RFTN1: variants seen among roughly 807,000 people sequenced by gnomAD.
The protein encoded by RFTN1 is raftlin.
In RFTN1, 26 loss-of-function variants were observed where a neutral mutation model predicts 46.5. The observed-to-expected ratio is 0.56, with a 90% CI of 0.41 to 0.78. RFTN1 has a LOEUF of 0.78. Ranked by LOEUF, RFTN1 falls within the 30% of genes least tolerant of loss-of-function variation. RFTN1 has a pLI of 0.00. For synonymous variants in RFTN1, 261 were observed against 284.2 expected, an observed-to-expected ratio of 0.92 and a Z score of 0.82; for missense variants, 693 against 718.7, an observed-to-expected ratio of 0.96 and a Z score of 0.41.
rs1053034500 is a variant in RFTN1, at chr3:16,425,921, T to G, written c.332+7930A>C. Among the ~76,000 whole-genome samples the G allele has an allele frequency of 6.6e-6, 1 of 152,028 alleles. No individual in the cohort carries two copies. The highest frequency in any genetic ancestry group is 6.5e-5 in the Admixed American group (1 of 15,268). On this transcript the variant is annotated intron_variant, in intron 3 of 9. Transcript: ENST00000334133. The surrounding 1 kb of genome is among the most constrained non-coding windows in gnomAD (Gnocchi z 4.3). The stretch of plus-strand genomic sequence containing the variant: ...CCCTCAGGAAGCTAGAGAAAACTGA[T>G]GAGGAAAGATACCACACCAGAAACG...
chr3:16,412,928 G>A (rs1043000152), intron 3 of RFTN1, among the ~76,000 whole-genome samples: 1 of 152,174 alleles, frequency 6.6e-6, no homozygotes, highest in African/African-American at 2.4e-5. Flanking sequence ...TGGAAGTGGG[G>A]CTTTCCTCAG....
intron 4 of RFTN1, among the ~76,000 whole-genome samples, chr3:16,394,991 C>T (rs1231596196): frequency 1.3e-5 from 2 of 151,828 alleles, no homozygotes; most frequent in African/African-American, 4.8e-5. Context: ...ATAAAGGCAA[C>T]CAAGTGCAAT....
At chr3:16,367,379 A>G (rs2073252376) in intron 6 of RFTN1, among the ~76,000 whole-genome samples, 1 of 152,204 alleles carries the variant, frequency 6.6e-6, no homozygotes, top group African/African-American at 2.4e-5. Flanking sequence ...GCCCTAACCC[A>G]GGAAGCATTA....
At chr3:16,441,278 A>ATAAACCATTAT (rs1179202086) in intron 2 of RFTN1, among the ~76,000 whole-genome samples, 6 of 151,062 alleles carry the variant, frequency 4.0e-5, no homozygotes, top group Non-Finnish European at 8.9e-5. Context: ...ATATAAATAA[A>ATAAACCATTAT]TAAACCATTA....
rs200435969 is a variant in RFTN1, at chr3:16,470,230, GCA to G, written c.145+23493_145+23494del. 1.1e-3 allele frequency among the ~76,000 whole-genome samples: 163 copies of G among 148,634 alleles called. 2 individuals are homozygous for G. The highest frequency in any genetic ancestry group is 7.7e-3 in the South Asian group (36 of 4,676). On this transcript the variant is annotated intron_variant, in intron 2 of 9. Coordinates refer to ENST00000334133, the MANE Select transcript of RFTN1 (RefSeq NM_015150.2). Reference sequence around the variant, plus strand: ...TAACAACTATAAACTCTGCACACACGCACACACACACACACACACATACAGAC... The same window carrying G: ...TAACAACTATAAACTCTGCACACACGCACACACACACACACACATACAGAC...
At position 16,361,024 on chromosome 3, in the gene RFTN1, G is replaced by T. The variant is rs1027522488; in HGVS notation, c.1031-2977C>A. Among the ~76,000 whole-genome samples, 1 of 152,166 alleles carries T rather than the reference G, an allele frequency of 6.6e-6. No individual in the cohort carries two copies. Among genetic ancestry groups the T allele is most frequent in the Non-Finnish European group, 1.5e-5 (1 of 68,032 alleles). On this transcript the variant is annotated intron_variant, in intron 6 of 9. Transcript: ENST00000334133. This position sits in a 1 kb window ranked among gnomAD's most constrained non-coding sequence, Gnocchi z 4.3. The stretch of plus-strand genomic sequence containing the variant: ...TTTCTTTTATATCCTTTTCTGTGAG[G>T]TTATTAACAAGTTAATACAGGTATA...
chr3:16,357,595 G>A (rs751910016), intron 7 of RFTN1, among the ~76,000 whole-genome samples: 1 of 151,906 alleles, frequency 6.6e-6, no homozygotes, highest in Non-Finnish European at 1.5e-5. Flanking sequence ...ATGCTGCTCT[G>A]AGTATTAACG....
In RFTN1 at chr3:16,345,290, G is replaced by T. The variant is rs2071576097; in HGVS notation, c.1146+12642C>A. ...TGTGTGTGTGTGTGTGTGTGTGTGT[G>T]TGTGTGTGTGTTTAAAGCTGTTATA... On this transcript the variant is annotated intron_variant, in intron 7 of 9. Coordinates refer to ENST00000334133, the MANE Select transcript of RFTN1 (RefSeq NM_015150.2). This position sits in a 1 kb window ranked among gnomAD's most constrained non-coding sequence, Gnocchi z 5.2. 1 of 151,696 alleles carries T rather than the reference G, an allele frequency of 6.6e-6. No homozygotes were observed. Among genetic ancestry groups the T allele is most frequent in the South Asian group, 2.1e-4 (1 of 4,818 alleles). The allele number at this position is 151,696 out of a possible 1,614,324, so 9.4% of individuals were successfully genotyped here. A position where few individuals can be genotyped will look rare whatever the true frequency, so the allele number is the denominator to read the frequency against.
chr3:16,384,666 G>T lies in RFTN1; in HGVS notation c.442-6564C>A, dbSNP rs2074106145. On this transcript the variant is annotated intron_variant, in intron 4 of 9. Transcript: ENST00000334133. This position sits in a 1 kb window ranked among gnomAD's most constrained non-coding sequence, Gnocchi z 4.7. The stretch of plus-strand genomic sequence containing the variant: ...GCCTGTAACTAATGAGCTAATTAAT[G>T]CTGGGAATCAGAAACCTACTGCTAA... 6.6e-6 allele frequency among the ~76,000 whole-genome samples: 1 copy of T among 152,206 alleles called. No individual in the cohort carries two copies.
In RFTN1 at chr3:16,479,709, G is replaced by A. The variant is rs1300742859; in HGVS notation, c.145+14016C>T. On this transcript the variant is annotated intron_variant, in intron 2 of 9. Transcript: ENST00000334133. This position sits in a 1 kb window ranked among gnomAD's most constrained non-coding sequence, Gnocchi z 5.1. ...CTGTTGGCATCAGCAGCCCTGATGA[G>A]TCCACTCACCCCCAGGAAGCTCGTT... 6.6e-6 allele frequency among the ~76,000 whole-genome samples: 1 copy of A among 152,226 alleles called. No individual in the cohort carries two copies. The highest frequency in any genetic ancestry group is 1.5e-5 in the Non-Finnish European group (1 of 68,040).
In RFTN1 at chr3:16,387,158, T is replaced by A. The variant is rs2074207161; in HGVS notation, c.442-9056A>T. Among the ~76,000 whole-genome samples, 1 of 152,162 alleles carries A rather than the reference T, an allele frequency of 6.6e-6. No homozygotes were observed. Among genetic ancestry groups the A allele is most frequent in the African/African-American group, 2.4e-5 (1 of 41,436 alleles). On this transcript the variant is annotated intron_variant, in intron 4 of 9. Coordinates refer to ENST00000334133, the MANE Select transcript of RFTN1 (RefSeq NM_015150.2). This position sits in a 1 kb window ranked among gnomAD's most constrained non-coding sequence, Gnocchi z 5.2. ...CTTCCATCACTCTCCTCCTATTATA[T>A]CCTTGGCTTTCTCTGTCTGACACAT...
intron 6 of RFTN1, among the ~76,000 whole-genome samples, chr3:16,365,463 A>T (rs1293481326): frequency 6.6e-6 from 1 of 152,212 alleles, no homozygotes; most frequent in Non-Finnish European, 1.5e-5. Flanking sequence ...TATTTTATTT[A>T]AAACATGTAC....
rs187141288 is a variant in RFTN1 at position 16,356,143 on chromosome 3, G to A, written c.1146+1789C>T. 1.2e-3 allele frequency among the ~76,000 whole-genome samples: 189 copies of A among 152,314 alleles called. 2 individuals are homozygous for A. The highest frequency in any genetic ancestry group is 2.9e-3 in the South Asian group (14 of 4,824). On this transcript the variant is annotated intron_variant, in intron 7 of 9. Transcript: ENST00000334133. The surrounding 1 kb of genome is among the most constrained non-coding windows in gnomAD (Gnocchi z 4.9). ...CGTGATGGGCCATGTGACCTGCCCAGCTTACAAGTTGAGGAAGGACAGGGT... is the reference window on the plus strand; with the variant it reads ...CGTGATGGGCCATGTGACCTGCCCAACTTACAAGTTGAGGAAGGACAGGGT...
intron 2 of RFTN1, among the ~76,000 whole-genome samples, chr3:16,492,893 C>T (rs182897534): frequency 2.9e-4 from 44 of 152,320 alleles, no homozygotes; most frequent in African/African-American, 1.0e-3. Flanking sequence ...TCAGCAAATG[C>T]TCTGATGCTG....
chr3:16,380,694 C>G lies in RFTN1; in HGVS notation c.442-2592G>C, dbSNP rs1264325903. On this transcript the variant is annotated intron_variant, in intron 4 of 9. Coordinates refer to ENST00000334133, the MANE Select transcript of RFTN1 (RefSeq NM_015150.2). The surrounding 1 kb of genome is among the most constrained non-coding windows in gnomAD (Gnocchi z 4.8). Reference sequence around the variant, plus strand: ...AACTCTGAGGGTGAGATCCAGCAATCTGTGTCTTAACAAGTCCTCCGAGTG... The same window carrying G: ...AACTCTGAGGGTGAGATCCAGCAATGTGTGTCTTAACAAGTCCTCCGAGTG... Among the ~76,000 whole-genome samples the G allele has an allele frequency of 6.6e-6, 1 of 152,230 alleles. No homozygotes were observed. Among genetic ancestry groups the G allele is most frequent in the Non-Finnish European group, 1.5e-5 (1 of 68,040 alleles).
rs1253626861 is a variant in RFTN1, at chr3:16,382,994, A to G, written c.442-4892T>C. Among the ~76,000 whole-genome samples, 2 of 152,196 alleles carry G rather than the reference A, an allele frequency of 1.3e-5. No homozygotes were observed. On this transcript the variant is annotated intron_variant, in intron 4 of 9. Coordinates refer to ENST00000334133, the MANE Select transcript of RFTN1 (RefSeq NM_015150.2). This position sits in a 1 kb window ranked among gnomAD's most constrained non-coding sequence, Gnocchi z 4.7. ...ATCTCTAACAACAGCGATTACAGGA[A>G]ACAGCAACTATTAACATTGCACAGC...
In RFTN1 at chr3:16,344,645, C is replaced by A. The variant is rs1256447420; in HGVS notation, c.1146+13287G>T. Among the ~76,000 whole-genome samples the A allele has an allele frequency of 6.6e-6, 1 of 152,140 alleles. No homozygotes were observed. Among genetic ancestry groups the A allele is most frequent in the Non-Finnish European group, 1.5e-5 (1 of 68,032 alleles). On this transcript the variant is annotated intron_variant, in intron 7 of 9. Transcript: ENST00000334133. The surrounding 1 kb of genome is among the most constrained non-coding windows in gnomAD (Gnocchi z 4.4). Reference sequence around the variant, plus strand: ...ACCTTCTAGATCACTGCACAAGCCCCTGAAAAAGATGTGAAACAGGCCAAG... The same window carrying A: ...ACCTTCTAGATCACTGCACAAGCCCATGAAAAAGATGTGAAACAGGCCAAG...
At chr3:16,416,453 A>G (rs2075082114) in intron 3 of RFTN1, among the ~76,000 whole-genome samples, 1 of 152,210 alleles carries the variant, frequency 6.6e-6, no homozygotes, top group Non-Finnish European at 1.5e-5. Flanking sequence ...GGTAAAATCT[A>G]CGGTTTAATT....
In RFTN1 at chr3:16,341,431, A is replaced by G. The variant is rs1466507048; in HGVS notation, c.1147-14555T>C. Reference sequence around the variant, plus strand: ...ATGCCCTTCAGTAACTGACAGAGAAACTGCAGTGGAACCATACAATGAAAT... The same window carrying G: ...ATGCCCTTCAGTAACTGACAGAGAAGCTGCAGTGGAACCATACAATGAAAT... On this transcript the variant is annotated intron_variant, in intron 7 of 9. Transcript: ENST00000334133. The surrounding 1 kb of genome is among the most constrained non-coding windows in gnomAD (Gnocchi z 4.7). 6.6e-6 allele frequency among the ~76,000 whole-genome samples: 1 copy of G among 152,214 alleles called. No individual in the cohort carries two copies. The highest frequency in any genetic ancestry group is 6.5e-5 in the Admixed American group (1 of 15,280).
Sources: gnomAD v4.1 joint callset for allele counts (sites outside exome capture counted in the v4.1 genomes callset) on GRCh38, gnomAD v4.1.1 for gene constraint, Gnocchi (gnomAD v3.1) non-coding constraint, MANE v1.5 for transcripts, NCBI Gene and HGNC (gene_info 2026-07-23, HGNC 2026-07-21) for gene names.